BACE2: variants seen among roughly 807,000 people sequenced by gnomAD.
The protein encoded by BACE2 is beta-secretase 2.
Under a neutral mutation model 46.2 loss-of-function variants are expected in BACE2, and 17 were observed. That is an observed-to-expected ratio of 0.37 (90% CI 0.25 to 0.55). The LOEUF (loss-of-function observed/expected upper bound fraction) is 0.55, where lower values mean the gene tolerates loss of function less well. BACE2 is among the 20% of genes least tolerant of loss of function. The pLI is 0.82. For missense variants in BACE2, 595 were observed against 698.1 expected (o/e 0.85, Z 1.66); for synonymous variants, 277 against 295.9 (o/e 0.94, Z 0.66).
intron 1 of BACE2, among the ~76,000 whole-genome samples, chr21:41,223,463 G>A (rs979300904): frequency 1.3e-5 from 2 of 152,246 alleles, no homozygotes; most frequent in South Asian, 2.1e-4. Context: ...AGGTGGAGCC[G>A]TCCTTTCCTC....
intron 7 of BACE2, among the ~76,000 whole-genome samples, chr21:41,252,739 G>T (rs1392261146): frequency 2.0e-5 from 3 of 152,192 alleles, no homozygotes; most frequent in Non-Finnish European, 4.4e-5. Flanking sequence ...ATGAATTTGA[G>T]ATAAAGGGAA....
chr21:41,247,050 T>A (rs965313393), intron 6 of BACE2, among the ~76,000 whole-genome samples: 1 of 152,170 alleles, frequency 6.6e-6, no homozygotes, highest in African/African-American at 2.4e-5. Flanking sequence ...AGAAAGTGTT[T>A]CCTGCACAAA....
chr21:41,237,159 G>C (rs899274907), intron 2 of BACE2, among the ~76,000 whole-genome samples: 5 of 152,248 alleles, frequency 3.3e-5, no homozygotes, highest in Admixed American at 3.3e-4. Context: ...GAGAATGCAA[G>C]GGGCTTAGCC....
chr21:41,207,452 T>C (rs1986164557), intron 1 of BACE2, among the ~76,000 whole-genome samples: 1 of 152,208 alleles, frequency 6.6e-6, no homozygotes, highest in African/African-American at 2.4e-5. Flanking sequence ...CGCTCACACA[T>C]GACTGTTTAA....
chr21:41,173,706 A>G (rs773732939), intron 1 of BACE2, among the ~76,000 whole-genome samples: 8 of 152,288 alleles, frequency 5.3e-5, no homozygotes, highest in East Asian at 3.9e-4. Flanking sequence ...AGATCGTGTC[A>G]CTGCACTCCA....
chr21:41,248,575 T>A (rs897822324), intron 6 of BACE2, among the ~76,000 whole-genome samples: 1 of 152,244 alleles, frequency 6.6e-6, no homozygotes, highest in African/African-American at 2.4e-5. Context: ...GTGATGCACA[T>A]CTTCAGTAGA....
At chr21:41,184,187 T>G (rs1357027867) in intron 1 of BACE2, 1 of 167,078 alleles carries the variant, frequency 6.0e-6, no homozygotes, top group Non-Finnish European at 1.5e-5. Context: ...GAGCTTGCCC[T>G]TCTGGGGTGT....
intron 8 of BACE2, among the ~76,000 whole-genome samples, chr21:41,273,582 G>C (rs1322853421): frequency 6.6e-6 from 1 of 152,196 alleles, no homozygotes; most frequent in Admixed American, 6.5e-5. Flanking sequence ...TTTGTTCCCT[G>C]AACATTGCTG....
intron 1 of BACE2, among the ~76,000 whole-genome samples, chr21:41,191,452 G>A (rs567267950): frequency 6.6e-6 from 1 of 152,298 alleles, no homozygotes; most frequent in East Asian, 1.9e-4. Context: ...GAAGCATTGT[G>A]TGCAGGATAG....
At chr21:41,251,629 C>A (rs1430042370) in intron 7 of BACE2, among the ~76,000 whole-genome samples, 1 of 152,046 alleles carries the variant, frequency 6.6e-6, no homozygotes, top group Non-Finnish European at 1.5e-5. Flanking sequence ...GGCAAAACCC[C>A]GTCTCTGCTA....
chr21:41,258,135 T>C (rs914378653), intron 8 of BACE2, among the ~76,000 whole-genome samples: 2 of 151,670 alleles, frequency 1.3e-5, no homozygotes, highest in Admixed American at 6.6e-5. Context: ...AAACAAGATG[T>C]CAAGAGACTG....
intron 6 of BACE2, among the ~76,000 whole-genome samples, chr21:41,250,231 T>C (rs183322065): frequency 3.9e-5 from 6 of 152,150 alleles, no homozygotes; most frequent in Non-Finnish European, 7.4e-5. Flanking sequence ...TGACCTGGGA[T>C]CTGGAGGAGG....
At chr21:41,222,812 T>C (rs1253162268) in intron 1 of BACE2, among the ~76,000 whole-genome samples, 1 of 151,938 alleles carries the variant, frequency 6.6e-6, no homozygotes, top group African/African-American at 2.4e-5. Flanking sequence ...AACCTGAAGG[T>C]GGAGCCCTCG....
intron 1 of BACE2, chr21:41,176,289 C>T (rs944020779): frequency 1.3e-5 from 2 of 152,168 alleles, no homozygotes; most frequent in African/African-American, 4.8e-5. Flanking sequence ...TGGCTGCTGC[C>T]AGCTCACAGG....
chr21:41,191,043 T>G (rs562622028), intron 1 of BACE2, among the ~76,000 whole-genome samples: 47 of 152,336 alleles, frequency 3.1e-4, no homozygotes, highest in African/African-American at 1.1e-3. Flanking sequence ...AAAATTTTGC[T>G]ACTTAATCAC....
intron 3 of BACE2, 75 bp downstream of exon 3, chr21:41,237,804 C>A: frequency 1.6e-6 from 2 of 1,245,224 alleles, no homozygotes; most frequent in Non-Finnish European, 2.3e-6. Context: ...AAAGGGCTGA[C>A]ACATGAGTCT....
At chr21:41,260,603 T>C (rs1347820795) in intron 8 of BACE2, among the ~76,000 whole-genome samples, 5 of 152,212 alleles carry the variant, frequency 3.3e-5, no homozygotes, top group Non-Finnish European at 7.3e-5. Context: ...CCTCACCATT[T>C]GGACCTCACT....
Position 41,241,821 on chromosome 21 carries a change from A to C in BACE2, c.621A>C (p.Pro207=). Residue 207 remains proline (P), a splice_region_variant and synonymous_variant, in exon 4 of 9, where the codon CCA becomes CCC. Transcript: ENST00000330333. ...CCCTCTCTGTCGCCCTCCCGCAGCC[A>C]TCAAGTTCTCTGGAGACCTTCTTCG... ...LGLAYATLAK[P]SSSLETFFDS... 3 of 1,614,176 alleles carry C rather than the reference A, an allele frequency of 1.9e-6. No individual in the cohort carries two copies. Among genetic ancestry groups the C allele is most frequent in the Non-Finnish European group, 2.5e-6 (3 of 1,180,020 alleles).
At chr21:41,255,219 G>A (rs1024903207) in intron 7 of BACE2, among the ~76,000 whole-genome samples, 1 of 152,212 alleles carries the variant, frequency 6.6e-6, no homozygotes, top group African/African-American at 2.4e-5. Flanking sequence ...TTGAGAGGTG[G>A]GCAGGCAGGC....
Sources: allele counts gnomAD v4.1 joint callset (sites outside exome capture counted in the v4.1 genomes callset), GRCh38; gene constraint gnomAD v4.1.1; transcripts MANE v1.5; gene names NCBI Gene and HGNC (gene_info 2026-07-23, HGNC 2026-07-21).